The following VCF1 variants were observed in gnomAD, a reference collection of about 807,000 sequenced individuals.
The protein encoded by VCF1 is protein VCF1.
the VCF1 span, chr17:73,209,730 G>GCTCCCA: frequency 6.5e-7 from 1 of 1,543,352 alleles, no homozygotes; most frequent in Non-Finnish European, 8.7e-7. Context: ...TGCTGCTGCT[G>GCTCCCA]CTGCTGCTGC....
At chr17:73,208,179 C>T in the VCF1 span, 1 of 1,554,638 alleles carries the variant, frequency 6.4e-7, no homozygotes, top group Non-Finnish European at 8.7e-7. Context: ...CAGCAAAGTC[C>T]TCTGACTAGA....
the VCF1 span, chr17:73,209,771 G>A: frequency 1.5e-5 from 23 of 1,540,232 alleles, no homozygotes; most frequent in African/African-American, 3.1e-4. Flanking sequence ...CCTGAAGACT[G>A]GAAGGAAGAA....
chr17:73,232,175 T>G, the VCF1 span: 1 of 1,608,932 alleles, frequency 6.2e-7, no homozygotes, highest in East Asian at 2.2e-5. Flanking sequence ...GGGTTGTGTT[T>G]CGGCGGCCGC....
the VCF1 span, among the ~76,000 whole-genome samples, chr17:73,218,020 C>A: frequency 2.6e-5 from 4 of 152,190 alleles, no homozygotes; most frequent in African/African-American, 9.6e-5. Context: ...CTGTCAAGCC[C>A]CAGCTTCCCC....
At chr17:73,225,089 C>G in the VCF1 span, among the ~76,000 whole-genome samples, 1 of 91,796 alleles carries the variant, frequency 1.1e-5, no homozygotes, top group Non-Finnish European at 2.5e-5. Context: ...AAGGCTGAAA[C>G]TAATGGTTGT....
the VCF1 span, among the ~76,000 whole-genome samples, chr17:73,211,590 G>C: frequency 2.0e-5 from 3 of 148,300 alleles, no homozygotes; most frequent in Admixed American, 2.0e-4. Flanking sequence ...GGCCAGGCGC[G>C]GTGGCTCATG....
At chr17:73,230,867 A>C in the VCF1 span, among the ~76,000 whole-genome samples, 1 of 152,254 alleles carries the variant, frequency 6.6e-6, no homozygotes, top group East Asian at 1.9e-4. Flanking sequence ...CATTCAGATT[A>C]GTTATGTACA....
chr17:73,212,075 T>C, the VCF1 span, among the ~76,000 whole-genome samples: 3 of 152,314 alleles, frequency 2.0e-5, no homozygotes, highest in East Asian at 3.9e-4. Context: ...ACAGTAGTTA[T>C]ATTAGGATGG....
the VCF1 span, among the ~76,000 whole-genome samples, chr17:73,231,453 C>T: frequency 6.6e-6 from 1 of 152,170 alleles, no homozygotes; most frequent in Non-Finnish European, 1.5e-5. Flanking sequence ...GCGAGTGCAT[C>T]GCGATAAAAT....
At chr17:73,226,714 A>G in the VCF1 span, among the ~76,000 whole-genome samples, 7 of 152,250 alleles carry the variant, frequency 4.6e-5, no homozygotes, top group Admixed American at 4.6e-4. Context: ...CAAGATAATG[A>G]AAAGTAAAAA....
At chr17:73,208,750 T>TGAC in the VCF1 span, 1 of 435,198 alleles carries the variant, frequency 2.3e-6, no homozygotes, top group Non-Finnish European at 4.3e-6. Flanking sequence ...AGCTGCTGAC[T>TGAC]GACCAAGTTT....
At chr17:73,224,855 G>GACAGCACAGA in the VCF1 span, among the ~76,000 whole-genome samples, 3 of 147,656 alleles carry the variant, frequency 2.0e-5, no homozygotes, top group Non-Finnish European at 4.5e-5. Context: ...GACAGGACAG[G>GACAGCACAGA]ACAGGACAGC....
chr17:73,207,435 G>A, the VCF1 span: 1 of 732,682 alleles, frequency 1.4e-6, no homozygotes, highest in Non-Finnish European at 2.4e-6. Context: ...GCTACTAGAA[G>A]GTGTAAAAGA....
the VCF1 span, among the ~76,000 whole-genome samples, chr17:73,216,264 C>T: frequency 6.6e-6 from 1 of 152,054 alleles, no homozygotes; most frequent in African/African-American, 2.4e-5. Context: ...GAAAGAACTC[C>T]GGAAGGAGAG....
the VCF1 span, chr17:73,227,100 C>T: frequency 8.8e-7 from 1 of 1,132,912 alleles, no homozygotes; most frequent in South Asian, 1.5e-5. Context: ...TTTAATTACA[C>T]AGCAGATACT....
At chr17:73,215,202 C>G in the VCF1 span, among the ~76,000 whole-genome samples, 1 of 152,254 alleles carries the variant, frequency 6.6e-6, no homozygotes, top group South Asian at 2.1e-4. Context: ...AAACCTACCA[C>G]TGTATCCTTA....
the VCF1 span, among the ~76,000 whole-genome samples, chr17:73,224,985 CACAGCACAGGACAGGACAGG>C: frequency 1.2e-5 from 1 of 83,410 alleles, no homozygotes; most frequent in Non-Finnish European, 2.7e-5. Flanking sequence ...CACAGCACAG[CACAGCACAGGACAGGACAGG>C]ACAGCATAGG....
At chr17:73,227,285 GAAAA>G in the VCF1 span, 1 of 1,269,822 alleles carries the variant, frequency 7.9e-7, no homozygotes, top group South Asian at 1.5e-5. Context: ...ATCACAAGGA[GAAAA>G]AAAAAAAAAC....
the VCF1 span, among the ~76,000 whole-genome samples, chr17:73,222,501 G>A: frequency 6.6e-6 from 1 of 152,122 alleles, no homozygotes; most frequent in Non-Finnish European, 1.5e-5. Flanking sequence ...ACTAGGGCTG[G>A]GCGCGGTGGC....
Sources: gnomAD v4.1 joint callset for allele counts (sites outside exome capture counted in the v4.1 genomes callset) on GRCh38, gnomAD v4.1.1 for gene constraint, MANE v1.5 for transcripts, NCBI Gene and HGNC (gene_info 2026-07-23, HGNC 2026-07-21) for gene names.